Variants in ZCCHC24 observed in about 807,000 individuals in gnomAD.
ZCCHC24 encodes the protein zinc finger CCHC-type containing 24.
ZCCHC24 carries 10 observed loss-of-function variants against 26.2 expected under a neutral mutation model. That is an observed-to-expected ratio of 0.38 (90% CI 0.24 to 0.65). The LOEUF is 0.65. Among genes scored for constraint, ZCCHC24 ranks in the 30% least tolerant of loss-of-function variants. The pLI, the probability that ZCCHC24 is intolerant of heterozygous loss-of-function variation, is 0.54. For missense variants in ZCCHC24, 243 were observed against 329.1 expected (o/e 0.74, Z 2.03); for synonymous variants, 144 against 147.1 (o/e 0.98, Z 0.15).
At chr10:79,407,421 G>C (rs1381016690) in intron 2 of ZCCHC24, among the ~76,000 whole-genome samples, 4 of 152,224 alleles carry the variant, frequency 2.6e-5, no homozygotes, top group Non-Finnish European at 2.9e-5. Context: ...CCTGCTTCTA[G>C]AGCACACGCT....
chr10:79,431,860 C>A (rs1165113673), intron 2 of ZCCHC24, among the ~76,000 whole-genome samples: 1 of 152,224 alleles, frequency 6.6e-6, no homozygotes, highest in African/African-American at 2.4e-5. Flanking sequence ...CTACTACCCT[C>A]TTTTCCCAGG....
At chr10:79,437,817 A>G (rs1201495272) in intron 1 of ZCCHC24, among the ~76,000 whole-genome samples, 1 of 152,322 alleles carries the variant, frequency 6.6e-6, no homozygotes, top group East Asian at 1.9e-4. Flanking sequence ...GCCTGACAAG[A>G]GGGACTTCTT....
intron 2 of ZCCHC24, among the ~76,000 whole-genome samples, chr10:79,411,857 G>A (rs1856798630): frequency 6.6e-6 from 1 of 152,080 alleles, no homozygotes; most frequent in African/African-American, 2.4e-5. Context: ...ACTCTGAGAA[G>A]GTTTCTCAGC....
chr10:79,392,183 C>T (rs140372068), intron 3 of ZCCHC24, among the ~76,000 whole-genome samples: 203 of 152,234 alleles, frequency 1.3e-3, no homozygotes, highest in Non-Finnish European at 2.5e-3. Flanking sequence ...ACCTTTGCCC[C>T]GTGGACCCTC....
intron 2 of ZCCHC24, among the ~76,000 whole-genome samples, chr10:79,415,526 C>A (rs1389898324): frequency 6.6e-6 from 1 of 152,196 alleles, no homozygotes; most frequent in Non-Finnish European, 1.5e-5. Context: ...CGGTTTCAAC[C>A]TTTTGCCTTC....
chr10:79,428,451 AATTTCAGTTTTGCAAGAT>A (rs1857073689), intron 2 of ZCCHC24, among the ~76,000 whole-genome samples: 2 of 51,932 alleles, frequency 3.9e-5, no homozygotes, highest in Non-Finnish European at 7.9e-5. Flanking sequence ...TTGCAAGATA[AATTTCAGTTTTGCAAGAT>A]AAATTTCAGT....
intron 3 of ZCCHC24, among the ~76,000 whole-genome samples, chr10:79,390,268 C>T (rs1404231968): frequency 1.3e-5 from 2 of 152,242 alleles, no homozygotes; most frequent in African/African-American, 4.8e-5. Flanking sequence ...TTCTCTGGGA[C>T]TCAATTTTCT....
intron 2 of ZCCHC24, among the ~76,000 whole-genome samples, chr10:79,397,660 C>G (rs1856564638): frequency 6.6e-6 from 1 of 152,128 alleles, no homozygotes; most frequent in Non-Finnish European, 1.5e-5. Flanking sequence ...TCTGAGACTC[C>G]TTGATCGAAG....
At chr10:79,387,577 T>G (rs7094122) in intron 3 of ZCCHC24, among the ~76,000 whole-genome samples, 2 of 152,038 alleles carry the variant, frequency 1.3e-5, no homozygotes, top group African/African-American at 4.8e-5. Context: ...TGCATGGACA[T>G]GGGGGGCTCA....
chr10:79,426,192 C>T lies in ZCCHC24; in HGVS notation c.447+6366G>A, dbSNP rs180918152. The stretch of plus-strand genomic sequence containing the variant: ...CAAGTAATAAGTGACCAACCCCTGG[C>T]TCCCGTGGCAGTGAATGCTTTAAGC... On this transcript the variant is annotated intron_variant, in intron 2 of 3. Transcript: ENST00000372336. Among the ~76,000 whole-genome samples the T allele has an allele frequency of 3.2e-3, 490 of 152,336 alleles. 11 individuals carry two copies. The highest frequency in any genetic ancestry group is 6.0e-4 in the Non-Finnish European group (41 of 68,044).
chr10:79,391,068 C>G (rs1178167353), intron 3 of ZCCHC24, among the ~76,000 whole-genome samples: 1 of 152,198 alleles, frequency 6.6e-6, no homozygotes, highest in African/African-American at 2.4e-5. Context: ...GGCCCCTTGA[C>G]ACCAGCTGAC....
chr10:79,421,088 G>C (rs76176902), intron 2 of ZCCHC24, among the ~76,000 whole-genome samples: 1 of 152,322 alleles, frequency 6.6e-6, no homozygotes, highest in East Asian at 1.9e-4. Context: ...AGAGGGCTTC[G>C]GCAGGGCAAG....
At chr10:79,420,478 CATA>C (rs1360525693) in intron 2 of ZCCHC24, among the ~76,000 whole-genome samples, 1 of 151,828 alleles carries the variant, frequency 6.6e-6, no homozygotes, top group African/African-American at 2.4e-5. Flanking sequence ...GGAATTGAGG[CATA>C]ATAATAACGA....
At chr10:79,392,184 G>A (rs1167445927) in intron 3 of ZCCHC24, among the ~76,000 whole-genome samples, 2 of 152,016 alleles carry the variant, frequency 1.3e-5, no homozygotes, top group Admixed American at 6.5e-5. Flanking sequence ...CCTTTGCCCC[G>A]TGGACCCTCC....
intron 2 of ZCCHC24, among the ~76,000 whole-genome samples, chr10:79,410,761 G>A (rs1041482704): frequency 2.0e-5 from 3 of 149,586 alleles, no homozygotes; most frequent in East Asian, 2.0e-4. Flanking sequence ...AGTTAGGGGG[G>A]TGCTGCCACA....
chr10:79,402,225 T>C (rs1856642523), intron 2 of ZCCHC24, among the ~76,000 whole-genome samples: 1 of 152,210 alleles, frequency 6.6e-6, no homozygotes, highest in Non-Finnish European at 1.5e-5. Context: ...AGGTCCAGGT[T>C]GGGCCCTGGC....
intron 3 of ZCCHC24, among the ~76,000 whole-genome samples, chr10:79,388,531 A>C (rs1180332246): frequency 6.6e-6 from 1 of 152,158 alleles, no homozygotes; most frequent in Admixed American, 6.5e-5. Flanking sequence ...CCAGCCACAC[A>C]GACTCTGCTT....
intron 1 of ZCCHC24, among the ~76,000 whole-genome samples, chr10:79,436,215 C>T (rs1306743037): frequency 1.3e-5 from 2 of 152,186 alleles, no homozygotes; most frequent in Admixed American, 1.3e-4. Context: ...CGCAGCTCTG[C>T]CTTTCTCCCT....
chr10:79,413,624 A>G (rs905323559), intron 2 of ZCCHC24, among the ~76,000 whole-genome samples: 3 of 152,216 alleles, frequency 2.0e-5, no homozygotes, highest in Admixed American at 6.5e-5. Flanking sequence ...CCTGGGCCTG[A>G]CTAGCTGGAA....
Sources: gnomAD v4.1 joint callset for allele counts (sites outside exome capture counted in the v4.1 genomes callset) on GRCh38, gnomAD v4.1.1 for gene constraint, MANE v1.5 for transcripts, NCBI Gene and HGNC (gene_info 2026-07-23, HGNC 2026-07-21) for gene names.